KCND2: variants seen among roughly 807,000 people sequenced by gnomAD.
KCND2 encodes the protein A-type voltage-gated potassium channel KCND2.
In KCND2, 16 loss-of-function variants were observed where a neutral mutation model predicts 54.4. That is an observed-to-expected ratio of 0.29 (90% CI 0.20 to 0.45). KCND2 has a LOEUF of 0.45. KCND2 is among the 20% of genes least tolerant of loss of function. KCND2 has a pLI of 1.00. For synonymous variants in KCND2, 317 were observed against 310.7 expected, an observed-to-expected ratio of 1.02 and a Z score of -0.21; for missense variants, 486 against 824.2, an observed-to-expected ratio of 0.59 and a Z score of 5.02.
chr7:120,551,855 G>A (rs772488371), intron 1 of KCND2, among the ~76,000 whole-genome samples: 2 of 152,156 alleles, frequency 1.3e-5, no homozygotes, highest in East Asian at 1.9e-4. Context: ...AAGAAATGAA[G>A]ATGAATGAGA....
intron 1 of KCND2, among the ~76,000 whole-genome samples, chr7:120,459,247 G>A (rs144559569): frequency 5.8e-4 from 88 of 152,146 alleles, no homozygotes; most frequent in Middle Eastern, 3.4e-3. Flanking sequence ...TCCGACATAG[G>A]ATCTGTGCTC....
chr7:120,321,447 T>C (rs1799892124), intron 1 of KCND2, among the ~76,000 whole-genome samples: 1 of 152,176 alleles, frequency 6.6e-6, no homozygotes, highest in Non-Finnish European at 1.5e-5. Context: ...GATTATTTAT[T>C]TGTTAGAAAG....
At chr7:120,475,488 A>AT (rs901112047) in intron 1 of KCND2, among the ~76,000 whole-genome samples, 8 of 151,998 alleles carry the variant, frequency 5.3e-5, no homozygotes, top group African/African-American at 9.7e-5. Context: ...ACATCAAGGC[A>AT]TTTTTTTTAT....
At position 120,475,488 on chromosome 7, in the gene KCND2, AT is replaced by A. The variant is rs901112047; in HGVS notation, c.1115+199749del. On this transcript the variant is annotated intron_variant, in intron 1 of 5. Transcript: ENST00000331113. ...TTAGTAATTTTTTAAACATCAAGGC[AT>A]TTTTTTTATTTCCATTTTCCATATC... 1.7e-4 allele frequency among the ~76,000 whole-genome samples: 26 copies of A among 152,114 alleles called. 1 individual carries two copies. Among genetic ancestry groups the A allele is most frequent in the Middle Eastern group, 3.4e-3 (1 of 292 alleles).
intron 1 of KCND2, among the ~76,000 whole-genome samples, chr7:120,366,653 A>T (rs1255294040): frequency 1.3e-5 from 2 of 152,072 alleles, no homozygotes; most frequent in East Asian, 3.9e-4. Flanking sequence ...TCCTGCTGGA[A>T]CCCAACATGT....
At chr7:120,330,607 A>AAG (rs869077188) in intron 1 of KCND2, among the ~76,000 whole-genome samples, 23 of 149,362 alleles carry the variant, frequency 1.5e-4, no homozygotes, top group Middle Eastern at 3.5e-3. Flanking sequence ...AAAAAAAAAA[A>AAG]GTTAGCTAAC....
intron 1 of KCND2, among the ~76,000 whole-genome samples, chr7:120,304,513 T>C (rs1799623817): frequency 6.6e-6 from 1 of 152,148 alleles, no homozygotes; most frequent in Non-Finnish European, 1.5e-5. Flanking sequence ...TAGAAATGCT[T>C]ACTAACATGC....
At chr7:120,646,570 T>C (rs945890250) in intron 1 of KCND2, among the ~76,000 whole-genome samples, 1 of 152,232 alleles carries the variant, frequency 6.6e-6, no homozygotes, top group Non-Finnish European at 1.5e-5. Context: ...TATGGCAACA[T>C]GCAGTGAAAA....
intron 1 of KCND2, among the ~76,000 whole-genome samples, chr7:120,342,788 G>A (rs1387392609): frequency 6.6e-6 from 1 of 152,040 alleles, no homozygotes; most frequent in African/African-American, 2.4e-5. Flanking sequence ...TAAAGACAAT[G>A]CACATTTTCT....
At chr7:120,526,571 A>C (rs1175282084) in intron 1 of KCND2, among the ~76,000 whole-genome samples, 1 of 152,184 alleles carries the variant, frequency 6.6e-6, no homozygotes, top group African/African-American at 2.4e-5. Context: ...GAAACTTCAC[A>C]AGAAGGAACC....
chr7:120,582,152 C>A (rs977763694), intron 1 of KCND2, among the ~76,000 whole-genome samples: 3 of 152,142 alleles, frequency 2.0e-5, no homozygotes, highest in Non-Finnish European at 2.9e-5. Flanking sequence ...TAGATTTTTT[C>A]AGAACCTTGG....
intron 1 of KCND2, among the ~76,000 whole-genome samples, chr7:120,548,456 A>G (rs1792069124): frequency 6.6e-6 from 1 of 152,070 alleles, no homozygotes; most frequent in South Asian, 2.1e-4. Flanking sequence ...AAAAATCTAA[A>G]AGCCCTGCCT....
intron 1 of KCND2, among the ~76,000 whole-genome samples, chr7:120,287,072 A>G (rs2116267654): frequency 6.6e-6 from 1 of 152,194 alleles, no homozygotes; most frequent in Non-Finnish European, 1.5e-5. Context: ...AATACTATCT[A>G]ATAGAAATTT....
chr7:120,565,283 G>C (rs1361627697), intron 1 of KCND2, among the ~76,000 whole-genome samples: 2 of 152,140 alleles, frequency 1.3e-5, no homozygotes, highest in East Asian at 3.9e-4. Flanking sequence ...TGGACCCCAA[G>C]AGCCGTATCT....
chr7:120,374,410 C>T (rs1381212434), intron 1 of KCND2, among the ~76,000 whole-genome samples: 1 of 151,548 alleles, frequency 6.6e-6, no homozygotes, highest in African/African-American at 2.4e-5. Flanking sequence ...CCTCCCACTC[C>T]CCCAACCCCC....
chr7:120,445,372 T>C (rs1802005677), intron 1 of KCND2, among the ~76,000 whole-genome samples: 1 of 152,170 alleles, frequency 6.6e-6, no homozygotes, highest in African/African-American at 2.4e-5. Context: ...GGATTCTGTG[T>C]TTCTATTAAT....
chr7:120,542,642 T>C (rs908736511), intron 1 of KCND2, among the ~76,000 whole-genome samples: 6 of 152,176 alleles, frequency 3.9e-5, no homozygotes, highest in Non-Finnish European at 7.4e-5. Flanking sequence ...GTCCTCTCAG[T>C]GCCTGATCCC....
chr7:120,432,949 C>A (rs1317470073), intron 1 of KCND2, among the ~76,000 whole-genome samples: 4 of 152,132 alleles, frequency 2.6e-5, no homozygotes, highest in Non-Finnish European at 5.9e-5. Context: ...AATTGCAAGG[C>A]CAAATCTCAA....
chr7:120,332,909 A>C (rs1800088659), intron 1 of KCND2, among the ~76,000 whole-genome samples: 1 of 152,132 alleles, frequency 6.6e-6, no homozygotes, highest in Non-Finnish European at 1.5e-5. Context: ...AAATTAAGCA[A>C]ACTCTTATCC....
Sources: gnomAD v4.1 joint callset for allele counts (sites outside exome capture counted in the v4.1 genomes callset) on GRCh38, gnomAD v4.1.1 for gene constraint, MANE v1.5 for transcripts, NCBI Gene and HGNC (gene_info 2026-07-23, HGNC 2026-07-21) for gene names.